SAMTOR: variants seen among roughly 807,000 people sequenced by gnomAD.
SAMTOR encodes the protein UPF0532 protein C7orf60.
chr7:112,831,504 A>G, the SAMTOR span, among the ~76,000 whole-genome samples: 1 of 152,044 alleles, frequency 6.6e-6, no homozygotes, highest in Non-Finnish European at 1.5e-5. Context: ...CAAAAATACA[A>G]AGTTAGCTGG....
the SAMTOR span, among the ~76,000 whole-genome samples, chr7:112,903,206 G>A: frequency 3.9e-5 from 6 of 151,928 alleles, no homozygotes; most frequent in South Asian, 2.1e-4. Flanking sequence ...CCAGCTACTC[G>A]GGAGGCTGAG....
At chr7:112,856,335 T>C in the SAMTOR span, among the ~76,000 whole-genome samples, 1 of 151,872 alleles carries the variant, frequency 6.6e-6, no homozygotes, top group African/African-American at 2.4e-5. Context: ...TTGCAACCTC[T>C]GCCTCCCAGG....
chr7:112,931,920 CTT>C, the SAMTOR span, among the ~76,000 whole-genome samples: 3 of 142,408 alleles, frequency 2.1e-5, no homozygotes, highest in African/African-American at 2.6e-5. Context: ...AAAACTATTA[CTT>C]TTTTTTTTTT....
chr7:112,895,745 A>G, the SAMTOR span: 2 of 1,494,150 alleles, frequency 1.3e-6, no homozygotes, highest in African/African-American at 2.8e-5. Context: ...ATACACTACA[A>G]GTAAAAATAA....
the SAMTOR span, among the ~76,000 whole-genome samples, chr7:112,861,816 A>T: frequency 1.3e-5 from 2 of 152,314 alleles, no homozygotes; most frequent in East Asian, 3.9e-4. Context: ...TTTTTAAAAA[A>T]ACCTTTTCCC....
At chr7:112,922,112 C>T in the SAMTOR span, among the ~76,000 whole-genome samples, 9 of 152,268 alleles carry the variant, frequency 5.9e-5, no homozygotes, top group South Asian at 8.3e-4. Context: ...CGCGCCGCCA[C>T]GCCTGACTGG....
the SAMTOR span, among the ~76,000 whole-genome samples, chr7:112,899,101 C>A: frequency 1.3e-5 from 2 of 152,194 alleles, no homozygotes; most frequent in East Asian, 3.9e-4. Context: ...CTAAATGAGG[C>A]ACCAGTGACC....
At chr7:112,865,095 C>T in the SAMTOR span, among the ~76,000 whole-genome samples, 1 of 152,084 alleles carries the variant, frequency 6.6e-6, no homozygotes, top group African/African-American at 2.4e-5. Context: ...ACCTGTAGTT[C>T]ACATTTCATC....
chr7:112,908,802 A>G, the SAMTOR span, among the ~76,000 whole-genome samples: 1 of 152,222 alleles, frequency 6.6e-6, no homozygotes, highest in African/African-American at 2.4e-5. Context: ...CCTATATGAC[A>G]GTTGAATTCT....
At chr7:112,917,884 G>A in the SAMTOR span, among the ~76,000 whole-genome samples, 2 of 152,012 alleles carry the variant, frequency 1.3e-5, no homozygotes, top group African/African-American at 4.8e-5. Flanking sequence ...GAAGCGAGAA[G>A]GGAAGTTTAG....
chr7:112,854,642 C>T, the SAMTOR span, among the ~76,000 whole-genome samples: 1 of 152,160 alleles, frequency 6.6e-6, no homozygotes, highest in Non-Finnish European at 1.5e-5. Flanking sequence ...ATGTAACCGT[C>T]TAATAGCTGT....
At chr7:112,857,861 C>T in the SAMTOR span, among the ~76,000 whole-genome samples, 1 of 152,126 alleles carries the variant, frequency 6.6e-6, no homozygotes, top group Non-Finnish European at 1.5e-5. Flanking sequence ...ACACTGCCAG[C>T]AACCTATGAC....
the SAMTOR span, among the ~76,000 whole-genome samples, chr7:112,877,577 A>G: frequency 1.3e-5 from 2 of 152,308 alleles, no homozygotes; most frequent in Admixed American, 6.5e-5. Context: ...AAAACAAAAA[A>G]TTTATCAATA....
chr7:112,821,579 A>T, the SAMTOR span: 1 of 581,296 alleles, frequency 1.7e-6, no homozygotes, highest in Non-Finnish European at 2.8e-6. Context: ...TCTATATAAG[A>T]ATAAATTTTA....
chr7:112,886,096 G>A, the SAMTOR span, among the ~76,000 whole-genome samples: 9 of 152,118 alleles, frequency 5.9e-5, no homozygotes, highest in Admixed American at 5.9e-4. Context: ...ATGAGATCTT[G>A]TGAAAACTCA....
the SAMTOR span, among the ~76,000 whole-genome samples, chr7:112,862,203 T>C: frequency 5.3e-5 from 8 of 152,206 alleles, no homozygotes; most frequent in Middle Eastern, 3.4e-3. Context: ...TGTGGTAAGC[T>C]AGGATCACGC....
chr7:112,889,797 C>G, the SAMTOR span, among the ~76,000 whole-genome samples: 1 of 152,174 alleles, frequency 6.6e-6, no homozygotes, highest in East Asian at 1.9e-4. Context: ...TTGCCTGGAG[C>G]TGCTCTCACC....
the SAMTOR span, among the ~76,000 whole-genome samples, chr7:112,853,932 A>C: frequency 6.6e-6 from 1 of 152,120 alleles, no homozygotes; most frequent in Non-Finnish European, 1.5e-5. Flanking sequence ...CTTTTAGAGC[A>C]GGGAAAATTC....
chr7:112,907,861 A>ATTTATTTATTTG, the SAMTOR span, among the ~76,000 whole-genome samples: 5 of 151,582 alleles, frequency 3.3e-5, no homozygotes, highest in Non-Finnish European at 7.4e-5. Context: ...TTATTTATTT[A>ATTTATTTATTTG]TTTATTTATT....
Sources: allele counts gnomAD v4.1 joint callset (sites outside exome capture counted in the v4.1 genomes callset), GRCh38; gene constraint gnomAD v4.1.1; transcripts MANE v1.5; gene names NCBI Gene and HGNC (gene_info 2026-07-23, HGNC 2026-07-21).